The following ANKH variants were observed in gnomAD, a reference collection of about 807,000 sequenced individuals.
ANKH encodes the protein mineralization regulator ANKH.
A neutral mutation model predicts 49.0 loss-of-function variants in ANKH; 15 were observed. The observed-to-expected ratio is 0.31, with a 90% CI of 0.20 to 0.47. The LOEUF is 0.47. ANKH is among the 20% of genes least tolerant of loss of function. The pLI is 1.00. For missense variants in ANKH, 429 were observed against 652.0 expected (o/e 0.66, Z 3.72); for synonymous variants, 273 against 260.0 (o/e 1.05, Z -0.48).
chr5:14,810,164 T>C (rs1188764581), intron 1 of ANKH, among the ~76,000 whole-genome samples: 1 of 151,644 alleles, frequency 6.6e-6, no homozygotes, highest in Non-Finnish European at 1.5e-5. Flanking sequence ...GATTGACTTT[T>C]TTTTTTTTTT....
chr5:14,824,198 T>C (rs113574278), intron 1 of ANKH, among the ~76,000 whole-genome samples: 1 of 152,038 alleles, frequency 6.6e-6, no homozygotes, highest in African/African-American at 2.4e-5. Context: ...GAAATGTAAA[T>C]AGGAAAAAAT....
chr5:14,757,710 T>C (rs959952414), intron 3 of ANKH, among the ~76,000 whole-genome samples: 2 of 152,076 alleles, frequency 1.3e-5, no homozygotes, highest in Non-Finnish European at 2.9e-5. Context: ...AGAAAAGAAC[T>C]GTTTATCTGC....
intron 1 of ANKH, among the ~76,000 whole-genome samples, chr5:14,836,374 A>G (rs1482708562): frequency 1.3e-5 from 2 of 152,210 alleles, no homozygotes; most frequent in African/African-American, 4.8e-5. Context: ...AAACCCCATC[A>G]TCTCAGCCCC....
At chr5:14,722,488 G>A (rs889049803) in intron 8 of ANKH, among the ~76,000 whole-genome samples, 12 of 152,114 alleles carry the variant, frequency 7.9e-5, no homozygotes, top group South Asian at 2.1e-4. Context: ...AAGATGATTC[G>A]CTTGGAGCAT....
intron 1 of ANKH, among the ~76,000 whole-genome samples, chr5:14,831,560 G>A (rs1741508278): frequency 6.6e-6 from 1 of 152,204 alleles, no homozygotes; most frequent in Admixed American, 6.5e-5. Context: ...TTATAGCTGT[G>A]ATTGCCATGG....
At chr5:14,718,191 T>C (rs1337146293) in intron 8 of ANKH, among the ~76,000 whole-genome samples, 12 of 152,062 alleles carry the variant, frequency 7.9e-5, no homozygotes, top group Admixed American at 1.3e-4. Flanking sequence ...AACCCCATCC[T>C]GGTGTTTACA....
chr5:14,841,209 A>G (rs1623614), intron 1 of ANKH, among the ~76,000 whole-genome samples: 152,071 of 152,266 alleles, frequency 1, 75,941 homozygotes, highest in Middle Eastern at 1. Flanking sequence ...AGCTCCAAGG[A>G]AAAATAATTA....
Position 14,733,778 on chromosome 5 carries a change from G to A in ANKH, c.1011+8049C>T, listed in dbSNP as rs148052446. Among the ~76,000 whole-genome samples the A allele has an allele frequency of 1.1e-4, 17 of 152,308 alleles. No homozygotes were observed. The East Asian group carries it at 3.3e-3, about 29-fold the overall frequency. On this transcript the variant is annotated intron_variant, in intron 8 of 11. Transcript: ENST00000284268. The stretch of plus-strand genomic sequence containing the variant: ...GGAAAGTGCTCGTGTGCGGAGCCCC[G>A]TGTGCCTCACAGCCTCCGAGCTGGT...
chr5:14,711,803 C>T (rs1737218857), intron 11 of ANKH, among the ~76,000 whole-genome samples: 1 of 152,254 alleles, frequency 6.6e-6, no homozygotes, highest in Admixed American at 6.5e-5. Flanking sequence ...ACTTCCCTGC[C>T]ATGTTGCCTG....
At chr5:14,841,218 T>C (rs991705333) in intron 1 of ANKH, among the ~76,000 whole-genome samples, 16 of 151,984 alleles carry the variant, frequency 1.1e-4, no homozygotes, top group African/African-American at 3.9e-4. Flanking sequence ...GAAAAATAAT[T>C]AATGCATAAA....
intron 2 of ANKH, among the ~76,000 whole-genome samples, chr5:14,766,207 C>T (rs697576): frequency 0.41 from 61,312 of 148,858 alleles, 12,306 homozygotes; most frequent in Admixed American, 0.48. Context: ...GCCTGGGCAA[C>T]ATGGCAAAAC....
At position 14,842,278 on chromosome 5, in the gene ANKH, T is replaced by C. The variant is rs1399821863; in HGVS notation, c.96+29074A>G. ...GTGCCTTGCCAATCATTTCTGCACC[T>C]GCGGGGCCTGGAGATTGCTGATGTG... On this transcript the variant is annotated intron_variant, in intron 1 of 11. Transcript: ENST00000284268. Among the ~76,000 whole-genome samples, 6 of 152,154 alleles carry C rather than the reference T, an allele frequency of 3.9e-5. No homozygotes were observed. In the East Asian group the frequency reaches 1.2e-3, roughly 29 times the overall value.
intron 1 of ANKH, among the ~76,000 whole-genome samples, chr5:14,801,544 C>T (rs1561062198): frequency 6.6e-6 from 1 of 152,214 alleles, no homozygotes; most frequent in East Asian, 1.9e-4. Flanking sequence ...TTCTCAAAGA[C>T]TTTGTCAATG....
At chr5:14,866,191 A>C (rs770657543) in intron 1 of ANKH, among the ~76,000 whole-genome samples, 46 of 152,136 alleles carry the variant, frequency 3.0e-4, no homozygotes, top group Non-Finnish European at 5.3e-4. Flanking sequence ...TTTTTAGTAG[A>C]GACGGGGTTT....
At chr5:14,792,465 T>C (rs969040413) in intron 1 of ANKH, among the ~76,000 whole-genome samples, 3 of 152,064 alleles carry the variant, frequency 2.0e-5, no homozygotes, top group Admixed American at 6.5e-5. Flanking sequence ...AGAACTAAGA[T>C]CTGTTTCTTG....
intron 1 of ANKH, among the ~76,000 whole-genome samples, chr5:14,769,640 T>C (rs1194591143): frequency 1.3e-5 from 2 of 152,124 alleles, no homozygotes; most frequent in African/African-American, 4.8e-5. Flanking sequence ...TGTGTGTGTG[T>C]GTGTTCATGT....
At position 14,716,814 on chromosome 5, in the gene ANKH, T is replaced by C; in HGVS notation, c.1033A>G (p.Thr345Ala). 3.1e-6 allele frequency: 5 copies of C among 1,614,052 alleles called. No individual in the cohort carries two copies. Among genetic ancestry groups the C allele is most frequent in the Non-Finnish European group, 4.2e-6 (5 of 1,179,934 alleles). Residue 345 changes from threonine (T) to alanine (A), a missense_variant, in exon 9 of 12, where the codon ACA becomes GCA. Transcript: ENST00000284268. ...AAGATTTTCTCAGACACGTTGGGTG[T>C]CCAAAACATCACGAAACAGAGCTGG... ...SLTLCFVMFW[T>A]PNVSEKILID...
At chr5:14,805,607 G>A (rs1280392555) in intron 1 of ANKH, among the ~76,000 whole-genome samples, 1 of 151,208 alleles carries the variant, frequency 6.6e-6, no homozygotes, top group African/African-American at 2.4e-5. Flanking sequence ...TTATTCTAAG[G>A]TATCTTTTTT....
Position 14,707,384 on chromosome 5 carries a change from C to T in ANKH, c.*3813G>A, listed in dbSNP as rs1736981385. 3 of 152,220 alleles carry T rather than the reference C, an allele frequency of 2.0e-5. No homozygotes were observed. 9.4% of individuals were successfully genotyped at this position (152,220 alleles called of 1,614,324 possible). On this transcript the variant is annotated 3_prime_UTR_variant, in exon 12 of 12. Transcript: ENST00000284268. Reference sequence around the variant, plus strand: ...TAGAAAAGTTACTCTCCCCCTGCCCCTTCCCTCCAGAAGATCCCCAAATGG... The same window carrying T: ...TAGAAAAGTTACTCTCCCCCTGCCCTTTCCCTCCAGAAGATCCCCAAATGG...
Sources: allele counts gnomAD v4.1 joint callset (sites outside exome capture counted in the v4.1 genomes callset), GRCh38; gene constraint gnomAD v4.1.1; transcripts MANE v1.5; gene names NCBI Gene and HGNC (gene_info 2026-07-23, HGNC 2026-07-21).